Variants in ZDHHC21 observed in about 807,000 individuals in gnomAD.
The protein encoded by ZDHHC21 is palmitoyltransferase ZDHHC21.
A neutral mutation model predicts 34.6 loss-of-function variants in ZDHHC21; 15 were observed. The observed-to-expected ratio is 0.43, with a 90% CI of 0.29 to 0.67. The LOEUF (loss-of-function observed/expected upper bound fraction) is 0.67, where lower values mean the gene tolerates loss of function less well. Among genes scored for constraint, ZDHHC21 ranks in the 30% least tolerant of loss-of-function variants. The probability of loss-of-function intolerance (pLI) is 0.14; values close to 1 mark genes in which losing one functional copy is unlikely to be tolerated. For synonymous variants in ZDHHC21, 142 were observed against 101.8 expected, an observed-to-expected ratio of 1.40 and a Z score of -2.38; for missense variants, 344 against 327.7, an observed-to-expected ratio of 1.05 and a Z score of -0.38.
rs80289985 is a variant in ZDHHC21, at chr9:14,642,675, A to C, written c.505-2663T>G. ...GAGGAAAGACCATGTGGGGACAGAG[A>C]GAAGGTGGTTATCTGCAAGCCAAAG... On this transcript the variant is annotated intron_variant, in intron 7 of 9. Coordinates refer to ENST00000380916, the MANE Select transcript of ZDHHC21 (RefSeq NM_178566.6). Among the ~76,000 whole-genome samples the C allele has an allele frequency of 6.0e-4, 92 of 152,300 alleles. 1 individual carries two copies. In the East Asian group the frequency reaches 0.017, roughly 28 times the overall value.
chr9:14,657,434 A>C (rs977675517), intron 7 of ZDHHC21, among the ~76,000 whole-genome samples: 1 of 152,178 alleles, frequency 6.6e-6, no homozygotes, highest in Non-Finnish European at 1.5e-5. Flanking sequence ...GCATGTAATA[A>C]GAAAAAACAG....
downstream of ZDHHC21, among the ~76,000 whole-genome samples, chr9:14,607,999 G>C (rs1329025997): frequency 6.6e-6 from 1 of 152,160 alleles, no homozygotes; most frequent in African/African-American, 2.4e-5. Flanking sequence ...TCCGTGATGA[G>C]AATATCTGAA....
the ZDHHC21 span, among the ~76,000 whole-genome samples, chr9:14,601,692 T>C: frequency 6.6e-6 from 1 of 152,292 alleles, no homozygotes; most frequent in East Asian, 1.9e-4. Context: ...AAGACACATG[T>C]GCATGTATGT....
At chr9:14,684,374 G>A (rs1336002328) in intron 2 of ZDHHC21, among the ~76,000 whole-genome samples, 15 of 150,860 alleles carry the variant, frequency 9.9e-5, no homozygotes, top group African/African-American at 3.7e-4. Context: ...CAAAATCAAT[G>A]TGCAAAAATC....
intron 6 of ZDHHC21, 147 bp from the exon 7 acceptor site, chr9:14,659,034 T>A: frequency 1.4e-6 from 1 of 740,352 alleles, no homozygotes; most frequent in Non-Finnish European, 2.1e-6. Context: ...AAAAACAAAC[T>A]ATACAGAGAA....
intron 2 of ZDHHC21, among the ~76,000 whole-genome samples, chr9:14,685,275 A>C (rs1467278675): frequency 4.0e-5 from 6 of 151,890 alleles, no homozygotes; most frequent in African/African-American, 1.2e-4. Flanking sequence ...CAACCTACAG[A>C]ATGGGAGAAA....
intron 8 of ZDHHC21, among the ~76,000 whole-genome samples, chr9:14,634,195 C>T (rs963579960): frequency 3.9e-5 from 6 of 152,186 alleles, no homozygotes; most frequent in African/African-American, 1.4e-4. Context: ...ATGCCACCTG[C>T]AGGTCTGAGG....
At position 14,662,206 on chromosome 9, in the gene ZDHHC21, T is replaced by C; in HGVS notation, c.365+9A>G. 1.3e-6 allele frequency: 2 copies of C among 1,580,350 alleles called. No homozygotes were observed. The highest frequency in any genetic ancestry group is 1.7e-4 in the Middle Eastern group (1 of 5,908). On this transcript the variant is annotated intron_variant, in intron 6 of 9. Coordinates refer to ENST00000380916, the MANE Select transcript of ZDHHC21 (RefSeq NM_178566.6). Reference sequence around the variant, plus strand: ...CCTCTTTTCTTTGCTAGAAGTGAATTATTCTTACCATGGACAGTGATGATC... The same window carrying C: ...CCTCTTTTCTTTGCTAGAAGTGAATCATTCTTACCATGGACAGTGATGATC...
At chr9:14,683,364 G>C (rs908870694) in intron 2 of ZDHHC21, among the ~76,000 whole-genome samples, 13 of 152,028 alleles carry the variant, frequency 8.6e-5, no homozygotes, top group Non-Finnish European at 2.9e-5. Context: ...ATGATAAAGA[G>C]GATATCACCA....
intron 7 of ZDHHC21, 59 bp from the exon 8 acceptor site, chr9:14,640,071 G>T (rs1020461869): frequency 8.0e-6 from 7 of 879,340 alleles, no homozygotes; most frequent in South Asian, 3.7e-5. Flanking sequence ...GCTTACAGTC[G>T]CAATAATAAT....
At chr9:14,635,121 C>A (rs1334422439) in intron 8 of ZDHHC21, among the ~76,000 whole-genome samples, 1 of 151,690 alleles carries the variant, frequency 6.6e-6, no homozygotes, top group Non-Finnish European at 1.5e-5. Context: ...TTTAAATAAC[C>A]CAGTCTGACA....
downstream of ZDHHC21, among the ~76,000 whole-genome samples, chr9:14,610,324 T>C (rs1823162321): frequency 2.0e-5 from 3 of 151,886 alleles, no homozygotes; most frequent in Admixed American, 6.6e-5. Context: ...ACAAAGGAAA[T>C]TGCAAAATAA....
At chr9:14,692,739 A>C (rs933828165) in intron 1 of ZDHHC21, among the ~76,000 whole-genome samples, 1 of 152,100 alleles carries the variant, frequency 6.6e-6, no homozygotes, top group East Asian at 1.9e-4. Context: ...ATAAAGGAGC[A>C]AACTGTTTGT....
Position 14,615,185 on chromosome 9 carries a change from T to C in ZDHHC21, c.*3781A>G, listed in dbSNP as rs1220505046. Reference sequence around the variant, plus strand: ...GTTCACACTTCCTGGTTTGAAGTGTTGTCCTAACTTAAGTCTTCATGATTA... The same window carrying C: ...GTTCACACTTCCTGGTTTGAAGTGTCGTCCTAACTTAAGTCTTCATGATTA... On this transcript the variant is annotated 3_prime_UTR_variant, in exon 10 of 10. Coordinates refer to ENST00000380916, the MANE Select transcript of ZDHHC21 (RefSeq NM_178566.6). 2 of 151,742 alleles carry C rather than the reference T, an allele frequency of 1.3e-5. No individual in the cohort carries two copies. The highest frequency in any genetic ancestry group is 2.1e-4 in the South Asian group (1 of 4,830). 9.4% of individuals were successfully genotyped at this position (151,742 alleles called of 1,614,324 possible).
chr9:14,642,557 G>A (rs12350721), intron 7 of ZDHHC21, among the ~76,000 whole-genome samples: 2,487 of 152,286 alleles, frequency 0.016, 27 homozygotes, highest in Non-Finnish European at 0.024. Context: ...AAAATAAAAT[G>A]AGGCCCTTAG....
At chr9:14,599,135 A>G in the ZDHHC21 span, among the ~76,000 whole-genome samples, 15 of 152,192 alleles carry the variant, frequency 9.9e-5, no homozygotes, top group Admixed American at 9.8e-4. Flanking sequence ...ACCATGTAAG[A>G]AGTGCCTTTA....
At chr9:14,636,614 T>C (rs1828354808) in intron 8 of ZDHHC21, among the ~76,000 whole-genome samples, 1 of 152,082 alleles carries the variant, frequency 6.6e-6, no homozygotes, top group Non-Finnish European at 1.5e-5. Context: ...ATTGTTCTCA[T>C]CAGCAAATGG....
downstream of ZDHHC21, among the ~76,000 whole-genome samples, chr9:14,607,574 C>T (rs576752135): frequency 6.2e-5 from 9 of 144,488 alleles, no homozygotes; most frequent in South Asian, 2.2e-4. Flanking sequence ...ATTTTGGTAA[C>T]GGCAATTTTT....
intron 7 of ZDHHC21, among the ~76,000 whole-genome samples, chr9:14,644,854 ACTTTG>A (rs748625242): frequency 1.5e-4 from 22 of 150,890 alleles, no homozygotes; most frequent in Non-Finnish European, 3.1e-4. Context: ...ATATATATTT[ACTTTG>A]CTTTAGTCTG....
Sources: allele counts gnomAD v4.1 joint callset (sites outside exome capture counted in the v4.1 genomes callset), GRCh38; gene constraint gnomAD v4.1.1; transcripts MANE v1.5; gene names NCBI Gene and HGNC (gene_info 2026-07-23, HGNC 2026-07-21).